The following NR2F1-AS1 variants were observed in gnomAD, a reference collection of about 807,000 sequenced individuals.
NR2F1-AS1 encodes the protein NR2F1 regulatory antisense RNA 1.
intron 4 of NR2F1-AS1, among the ~76,000 whole-genome samples, chr5:93,466,972 C>T (rs1460955410): frequency 6.9e-6 from 1 of 144,208 alleles, no homozygotes; most frequent in Non-Finnish European, 1.5e-5. Flanking sequence ...ACAATCTCAG[C>T]TCTCTGCAAA....
intron 4 of NR2F1-AS1, among the ~76,000 whole-genome samples, chr5:93,466,448 T>C (rs1750235362): frequency 6.6e-6 from 1 of 152,042 alleles, no homozygotes; most frequent in East Asian, 1.9e-4. Flanking sequence ...GAGATTGTCC[T>C]GCCTCAGCCT....
At chr5:93,567,908 T>C (rs1426907732) in intron 1 of NR2F1-AS1, among the ~76,000 whole-genome samples, 2 of 152,208 alleles carry the variant, frequency 1.3e-5, no homozygotes, top group Non-Finnish European at 1.5e-5. Context: ...TTAATCAGTA[T>C]GGTCAAATAT....
intron 4 of NR2F1-AS1, among the ~76,000 whole-genome samples, chr5:93,512,236 G>A (rs1751313324): frequency 6.6e-6 from 1 of 152,072 alleles, no homozygotes; most frequent in Non-Finnish European, 1.5e-5. Context: ...CTAGGCTAAT[G>A]TGTATTTGTA....
At chr5:93,440,734 T>A (rs1749550656) in intron 4 of NR2F1-AS1, among the ~76,000 whole-genome samples, 1 of 152,222 alleles carries the variant, frequency 6.6e-6, no homozygotes, top group South Asian at 2.1e-4. Flanking sequence ...CACACTGACA[T>A]GCCATGTCAC....
intron 4 of NR2F1-AS1, among the ~76,000 whole-genome samples, chr5:93,431,957 C>G (rs992175664): frequency 1.3e-5 from 2 of 152,120 alleles, no homozygotes; most frequent in Non-Finnish European, 2.9e-5. Context: ...TTTTTCTGAT[C>G]TTCTTTAAAA....
intron 1 of NR2F1-AS1, among the ~76,000 whole-genome samples, chr5:93,565,987 A>C (rs932748209): frequency 2.0e-5 from 3 of 151,948 alleles, no homozygotes; most frequent in African/African-American, 7.2e-5. Flanking sequence ...CTTTAAATAC[A>C]TTCAAGAGTC....
At chr5:93,482,315 TG>T (rs1350652842) in intron 4 of NR2F1-AS1, among the ~76,000 whole-genome samples, 1 of 152,034 alleles carries the variant, frequency 6.6e-6, no homozygotes, top group African/African-American at 2.4e-5. Flanking sequence ...CCGAAGCAGG[TG>T]GGGCATCACC....
intron 4 of NR2F1-AS1, among the ~76,000 whole-genome samples, chr5:93,541,075 C>T (rs1214163208): frequency 6.6e-6 from 1 of 152,206 alleles, no homozygotes; most frequent in African/African-American, 2.4e-5. Flanking sequence ...CCTGCAGATT[C>T]TGTCCTACCC....
At chr5:93,448,195 T>TA (rs573551141) in intron 4 of NR2F1-AS1, among the ~76,000 whole-genome samples, 14 of 149,146 alleles carry the variant, frequency 9.4e-5, no homozygotes, top group East Asian at 3.9e-4. Context: ...ACTTAAAGTA[T>TA]AAAAAAAAAA....
chr5:93,499,657 C>A (rs1751037806), intron 4 of NR2F1-AS1, among the ~76,000 whole-genome samples: 1 of 152,096 alleles, frequency 6.6e-6, no homozygotes, highest in African/African-American at 2.4e-5. Context: ...AATGAATAAC[C>A]CTACAATGGC....
At chr5:93,466,482 G>A (rs567036240) in intron 4 of NR2F1-AS1, among the ~76,000 whole-genome samples, 4 of 151,900 alleles carry the variant, frequency 2.6e-5, no homozygotes, top group East Asian at 1.9e-4. Flanking sequence ...GACTAAAGGC[G>A]CCCACCACCA....
chr5:93,416,850 A>G (rs1010051416), intron 4 of NR2F1-AS1, among the ~76,000 whole-genome samples: 7 of 152,202 alleles, frequency 4.6e-5, no homozygotes, highest in Non-Finnish European at 8.8e-5. Context: ...AAAACTCTAA[A>G]GTGGTTTATT....
chr5:93,575,165 A>G (rs182965265), intron 1 of NR2F1-AS1, among the ~76,000 whole-genome samples: 2 of 152,366 alleles, frequency 1.3e-5, no homozygotes, highest in African/African-American at 4.8e-5. Context: ...AAGTGTCCCA[A>G]GCTCTGGGAG....
At chr5:93,510,954 C>G (rs113718877) in intron 4 of NR2F1-AS1, among the ~76,000 whole-genome samples, 2,030 of 152,248 alleles carry the variant, frequency 0.013, 48 homozygotes, top group African/African-American at 0.047. Flanking sequence ...GTATAAATGA[C>G]AGGAAATGGC....
At chr5:93,577,799 G>C (rs888804398) in intron 1 of NR2F1-AS1, among the ~76,000 whole-genome samples, 8 of 152,164 alleles carry the variant, frequency 5.3e-5, no homozygotes, top group Non-Finnish European at 1.0e-4. Context: ...TTGCAGGCAT[G>C]TTCATCTCTC....
At chr5:93,419,111 G>A (rs1749031436) in intron 4 of NR2F1-AS1, among the ~76,000 whole-genome samples, 1 of 152,174 alleles carries the variant, frequency 6.6e-6, no homozygotes, top group East Asian at 1.9e-4. Context: ...TGATCTAAAT[G>A]GCCAACAGTT....
At chr5:93,573,596 A>G (rs1752827805) in intron 1 of NR2F1-AS1, among the ~76,000 whole-genome samples, 2 of 152,208 alleles carry the variant, frequency 1.3e-5, no homozygotes, top group African/African-American at 4.8e-5. Context: ...AGGCTAAAGG[A>G]GATTAATTTC....
chr5:93,570,726 G>A (rs1752737342), intron 1 of NR2F1-AS1: 2 of 152,272 alleles, frequency 1.3e-5, no homozygotes, highest in Admixed American at 6.5e-5. Context: ...CTAGCCTTCC[G>A]CCGACGTCTC....
intron 4 of NR2F1-AS1, among the ~76,000 whole-genome samples, chr5:93,486,292 A>G (rs1027703717): frequency 1.3e-5 from 2 of 151,956 alleles, no homozygotes; most frequent in Admixed American, 1.3e-4. Context: ...TTTTTTAAAA[A>G]AGTCAGTGAA....
Sources: gnomAD v4.1 joint callset for allele counts (sites outside exome capture counted in the v4.1 genomes callset) on GRCh38, gnomAD v4.1.1 for gene constraint, MANE v1.5 for transcripts, NCBI Gene and HGNC (gene_info 2026-07-23, HGNC 2026-07-21) for gene names.